The following AUTS2 variants were observed in gnomAD, a reference collection of about 807,000 sequenced individuals.
AUTS2 encodes activator of transcription and developmental regulator AUTS2.
AUTS2 carries 17 observed loss-of-function variants against 112.4 expected under a neutral mutation model. The observed-to-expected ratio is 0.15, with a 90% confidence interval of 0.10 to 0.23. AUTS2 has a LOEUF of 0.23. Among genes scored for constraint, AUTS2 ranks in the 10% least tolerant of loss-of-function variants. AUTS2 has a pLI of 1.00. For missense variants in AUTS2, 1,510 were observed against 1,701.6 expected (o/e 0.89, Z 1.98); for synonymous variants, 751 against 702.7 (o/e 1.07, Z -1.09).
At chr7:70,787,459 C>T in intron 18 of AUTS2, 28 bp downstream of exon 18, 1 of 1,515,830 alleles carries the variant, frequency 6.6e-7, no homozygotes, top group African/African-American at 1.4e-5. Context: ...TCTCGAGTCC[C>T]CACGGGGGAG....
chr7:69,760,947 C>T (rs1788160945), intron 1 of AUTS2, among the ~76,000 whole-genome samples: 2 of 152,152 alleles, frequency 1.3e-5, no homozygotes, highest in African/African-American at 2.4e-5. Flanking sequence ...AGTTATTTGA[C>T]TTAATATATA....
At position 69,767,729 on chromosome 7, in the gene AUTS2, G is replaced by C. The variant is rs1788489574; in HGVS notation, c.310-131557G>C. Among the ~76,000 whole-genome samples the C allele has an allele frequency of 2.0e-5, 3 of 152,334 alleles. No homozygotes were observed. The South Asian group carries it at 6.2e-4, about 32-fold the overall frequency. On this transcript the variant is annotated intron_variant, in intron 1 of 18. Transcript: ENST00000342771. Reference sequence around the variant, plus strand: ...ATGTGATCATTTGCGGATTCCAGCAGGTACATCCTCTCCAATACCTTACCT... The same window carrying C: ...ATGTGATCATTTGCGGATTCCAGCACGTACATCCTCTCCAATACCTTACCT...
In AUTS2 at chr7:70,701,328, C is replaced by G. The variant is rs114350668; in HGVS notation, c.742+2708C>G. Among the ~76,000 whole-genome samples, 839 of 152,294 alleles carry G rather than the reference C, an allele frequency of 5.5e-3. 10 individuals are homozygous for G. The highest frequency in any genetic ancestry group is 0.019 in the African/African-American group (786 of 41,554). On this transcript the variant is annotated intron_variant, in intron 6 of 18. Coordinates refer to ENST00000342771, the MANE Select transcript of AUTS2 (RefSeq NM_015570.4). ...GGCAGAGGCAGCAGGGGCCGTGGCT[C>G]GAGGCCCATCAGTCAGCTTGTGAGC...
intron 4 of AUTS2, among the ~76,000 whole-genome samples, chr7:70,208,636 A>G (rs1810700696): frequency 6.6e-6 from 1 of 152,114 alleles, no homozygotes; most frequent in African/African-American, 2.4e-5. Context: ...AAGAAAATAG[A>G]TAACTCATAA....
At chr7:70,060,026 A>G (rs2129560578) in intron 2 of AUTS2, among the ~76,000 whole-genome samples, 1 of 152,324 alleles carries the variant, frequency 6.6e-6, no homozygotes, top group East Asian at 1.9e-4. Flanking sequence ...TTTTCTTATA[A>G]TGAGAAAGAA....
At chr7:70,374,119 T>C (rs1792975219) in intron 4 of AUTS2, among the ~76,000 whole-genome samples, 1 of 152,244 alleles carries the variant, frequency 6.6e-6, no homozygotes. Context: ...CTTGATCATT[T>C]CTTTAGGAAA....
At chr7:70,747,868 C>G (rs991379189) in intron 6 of AUTS2, among the ~76,000 whole-genome samples, 3 of 151,656 alleles carry the variant, frequency 2.0e-5, no homozygotes, top group African/African-American at 7.3e-5. Context: ...GTCGCCCAGG[C>G]TGGAGTGCAG....
At chr7:70,104,367 G>A (rs923887858) in intron 2 of AUTS2, among the ~76,000 whole-genome samples, 3 of 151,996 alleles carry the variant, frequency 2.0e-5, no homozygotes, top group African/African-American at 7.3e-5. Flanking sequence ...GTGTACATGT[G>A]TACATAGTTT....
At chr7:70,630,840 C>T (rs929981675) in intron 5 of AUTS2, among the ~76,000 whole-genome samples, 9 of 152,140 alleles carry the variant, frequency 5.9e-5, no homozygotes, top group Non-Finnish European at 4.4e-5. Flanking sequence ...GCAAATGTTG[C>T]AGTAATTGCC....
chr7:70,517,561 TACACATATATACAA>T (rs1799467134), intron 5 of AUTS2, among the ~76,000 whole-genome samples: 1 of 148,598 alleles, frequency 6.7e-6, no homozygotes, highest in Non-Finnish European at 1.5e-5. Context: ...AAATTGCATA[TACACATATATACAA>T]ATTGCATATA....
chr7:70,417,728 T>G (rs1379543755), intron 4 of AUTS2, among the ~76,000 whole-genome samples: 1 of 152,194 alleles, frequency 6.6e-6, no homozygotes, highest in East Asian at 1.9e-4. Flanking sequence ...TATGGCAGGT[T>G]GGAGGTTTCC....
chr7:70,016,126 C>T (rs1357016384), intron 2 of AUTS2, among the ~76,000 whole-genome samples: 2 of 151,896 alleles, frequency 1.3e-5, no homozygotes, highest in Non-Finnish European at 2.9e-5. Flanking sequence ...GCAGAACTCA[C>T]CCTAAAAAGG....
At chr7:70,751,074 G>A (rs1788809080) in intron 6 of AUTS2, among the ~76,000 whole-genome samples, 1 of 152,268 alleles carries the variant, frequency 6.6e-6, no homozygotes, top group African/African-American at 2.4e-5. Context: ...GTTATCAAAA[G>A]ACGTGCAAAA....
chr7:70,676,770 A>C (rs2866686), intron 5 of AUTS2, among the ~76,000 whole-genome samples: 1 of 151,762 alleles, frequency 6.6e-6, no homozygotes, highest in African/African-American at 2.4e-5. Context: ...CTAGCTACTC[A>C]GGAGGCTGAG....
chr7:69,956,118 C>T (rs961026505), intron 2 of AUTS2, among the ~76,000 whole-genome samples: 2 of 152,096 alleles, frequency 1.3e-5, no homozygotes, highest in South Asian at 2.1e-4. Flanking sequence ...TTCTTTCCAA[C>T]ATGCCTCAGC....
chr7:70,086,405 G>C (rs1332002429), intron 2 of AUTS2, among the ~76,000 whole-genome samples: 2 of 152,130 alleles, frequency 1.3e-5, no homozygotes, highest in African/African-American at 4.8e-5. Context: ...ACTTTGGGAG[G>C]CTGAGGCAGG....
At chr7:69,757,618 T>G (rs975596295) in intron 1 of AUTS2, among the ~76,000 whole-genome samples, 1 of 152,224 alleles carries the variant, frequency 6.6e-6, no homozygotes, top group Non-Finnish European at 1.5e-5. Context: ...ATTTTGATTT[T>G]AGTGTGTTTT....
chr7:69,717,508 G>C (rs895109799), intron 1 of AUTS2, among the ~76,000 whole-genome samples: 9 of 152,186 alleles, frequency 5.9e-5, no homozygotes, highest in Non-Finnish European at 1.2e-4. Context: ...ATAACTCTTA[G>C]GGGAAATGAG....
intron 2 of AUTS2, among the ~76,000 whole-genome samples, chr7:70,101,771 A>G (rs1804509882): frequency 6.6e-6 from 1 of 152,192 alleles, no homozygotes. Context: ...TTAATGTGTC[A>G]GGGAGTTTTT....
Sources: allele counts gnomAD v4.1 joint callset (sites outside exome capture counted in the v4.1 genomes callset), GRCh38; gene constraint gnomAD v4.1.1; transcripts MANE v1.5; gene names NCBI Gene and HGNC (gene_info 2026-07-23, HGNC 2026-07-21).